KNTC1: variants seen among roughly 807,000 people sequenced by gnomAD.
KNTC1 encodes kinetochore-associated protein 1.
In KNTC1, 253 loss-of-function variants were observed where a neutral mutation model predicts 314.4. The ratio of observed to expected loss-of-function variants is 0.80; its 90% confidence interval spans 0.73 to 0.89. The LOEUF (loss-of-function observed/expected upper bound fraction) is 0.89, where lower values mean the gene tolerates loss of function less well. KNTC1 is among the 40% of genes least tolerant of loss of function. The pLI, the probability that KNTC1 is intolerant of heterozygous loss-of-function variation, is 0.00. For missense variants in KNTC1, 2,475 were observed against 2,572.9 expected, an observed-to-expected ratio of 0.96 and a Z score of 0.82; for synonymous variants, 901 against 901.4, an observed-to-expected ratio of 1.00 and a Z score of 0.01.
intron 51 of KNTC1, among the ~76,000 whole-genome samples, chr12:122,606,619 T>C (rs1872618964): frequency 6.6e-6 from 1 of 152,172 alleles, no homozygotes; most frequent in Non-Finnish European, 1.5e-5. Context: ...GCCTGTTCTT[T>C]TACTCAGATT....
At position 122,624,644 on chromosome 12, in the gene KNTC1, G is replaced by A. The variant is rs368918534; in HGVS notation, c.6562G>A (p.Gly2188Arg). ...GATAACTGAATATTCAAAGCACTGC[G>A]GGAAACCTGTGCCTCCAGACACTGC... ...VLITEYSKHC[G>R]KPVPPDTAPC... Residue 2188 changes from glycine to arginine, a missense_variant, in exon 63 of 64, where the codon GGG becomes AGG. Coordinates refer to ENST00000333479, the MANE Select transcript of KNTC1 (RefSeq NM_014708.6). 1.7e-5 allele frequency: 28 copies of A among 1,613,484 alleles called. No homozygotes were observed. The highest frequency in any genetic ancestry group is 2.2e-5 in the Non-Finnish European group (26 of 1,179,558).
rs911082833 is a variant in KNTC1, at chr12:122,605,229, A to G, written c.5387-77A>G. On this transcript the variant is annotated intron_variant, in intron 50 of 63. Transcript: ENST00000333479. ...CTTATATGTGTATGTATGTGCATAT[A>G]TACACATACACATATAAGTATTCAA... The G allele has an allele frequency of 1.2e-5, 13 of 1,077,436 alleles. No individual in the cohort carries two copies. In the African/African-American group the frequency reaches 1.6e-4, roughly 13 times the overall value. 66.7% of individuals were successfully genotyped at this position (1,077,436 alleles called of 1,614,324 possible). A position where few individuals can be genotyped will look rare whatever the true frequency, so the allele number is the denominator to read the frequency against.
intron 18 of KNTC1, among the ~76,000 whole-genome samples, chr12:122,559,121 G>A (rs1025918916): frequency 6.6e-6 from 1 of 152,046 alleles, no homozygotes; most frequent in Non-Finnish European, 1.5e-5. Flanking sequence ...GGCCGAGGTG[G>A]GCAGATCACG....
At chr12:122,624,379 C>T (rs1351893976) in intron 62 of KNTC1, among the ~76,000 whole-genome samples, 1 of 152,172 alleles carries the variant, frequency 6.6e-6, no homozygotes, top group African/African-American at 2.4e-5. Context: ...AGCGATCCTC[C>T]TACCTCAGTC....
intron 14 of KNTC1, 28 bp from the exon 15 acceptor site, chr12:122,551,430 G>A: frequency 6.4e-7 from 1 of 1,552,724 alleles, no homozygotes; most frequent in African/African-American, 1.4e-5. Context: ...TAAAAGACAA[G>A]CGCATTTATA....
intron 2 of KNTC1, among the ~76,000 whole-genome samples, chr12:122,533,889 G>A (rs549272564): frequency 2.7e-5 from 4 of 150,668 alleles, no homozygotes; most frequent in African/African-American, 1.0e-4. Context: ...AGCCCTTTAC[G>A]TGAATTCGTT....
At position 122,531,599 on chromosome 12, in the gene KNTC1, C is replaced by T. The variant is rs116287417; in HGVS notation, c.129+1407C>T. 6.5e-3 allele frequency among the ~76,000 whole-genome samples: 991 copies of T among 151,486 alleles called. 8 individuals are homozygous for T. The highest frequency in any genetic ancestry group is 0.023 in the African/African-American group (957 of 40,834). Reference sequence around the variant, plus strand: ...CATTAATTATGAGTAGTACAAATCTCATTGTATTTTTTGTCATTATTTATT... The same window carrying T: ...CATTAATTATGAGTAGTACAAATCTTATTGTATTTTTTGTCATTATTTATT... On this transcript the variant is annotated intron_variant, in intron 2 of 63. Transcript: ENST00000333479.
intron 32 of KNTC1, among the ~76,000 whole-genome samples, 178 bp from the exon 33 acceptor site, chr12:122,580,422 GAAT>G (rs1965327523): frequency 6.6e-6 from 1 of 152,214 alleles, no homozygotes; most frequent in African/African-American, 2.4e-5. Context: ...CCTCCTGAAA[GAAT>G]AATTAGATTT....
chr12:122,586,659 C>T, intron 37 of KNTC1, 42 bp from the exon 38 acceptor site: 1 of 981,276 alleles, frequency 1.0e-6, no homozygotes, highest in South Asian at 2.2e-5. Context: ...TTTAGTGTGG[C>T]CATCTATTTA....
At chr12:122,542,936 G>A (rs1962458140) in intron 6 of KNTC1, among the ~76,000 whole-genome samples, 1 of 152,004 alleles carries the variant, frequency 6.6e-6, no homozygotes, top group Non-Finnish European at 1.5e-5. Flanking sequence ...TTTTTGAGAT[G>A]GAGTCTTGCT....
rs571758641 is a variant in KNTC1, at chr12:122,552,930, A to G, written c.1272+1234A>G. On this transcript the variant is annotated intron_variant, in intron 16 of 63. Transcript: ENST00000333479. ...CACTTTGGGAGACAGAGACAGGCAG[A>G]TAACCTGAGGTCAGGAGTTCAAGAC... is the stretch of plus-strand genomic sequence containing the variant. Among the ~76,000 whole-genome samples the G allele has an allele frequency of 1.4e-3, 215 of 152,276 alleles. 2 individuals are homozygous for G. Among genetic ancestry groups the G allele is most frequent in the Non-Finnish European group, 1.7e-3 (116 of 68,016 alleles).
At chr12:122,622,384 T>C (rs1874534357) in intron 61 of KNTC1, 78 bp from the exon 62 acceptor site, 1 of 1,249,428 alleles carries the variant, frequency 8.0e-7, no homozygotes, top group African/African-American at 1.5e-5. Context: ...AAAGGCTTGA[T>C]ACCTGTCATT....
intron 19 of KNTC1, 79 bp downstream of exon 19, chr12:122,562,053 A>G: frequency 7.2e-7 from 1 of 1,396,890 alleles, no homozygotes; most frequent in Non-Finnish European, 9.8e-7. Context: ...ATAGACCCGT[A>G]TTTTATCAAG....
In KNTC1 at chr12:122,530,105, A is replaced by C. The variant is rs1444097548; in HGVS notation, c.42A>C (p.Gly14=). 5 of 1,613,814 alleles carry C rather than the reference A, an allele frequency of 3.1e-6. No individual in the cohort carries two copies. The highest frequency in any genetic ancestry group is 3.4e-6 in the Non-Finnish European group (4 of 1,179,756). The change falls in exon 2 of 64, where the codon GGA becomes GGC. Residue 14 remains glycine, a synonymous_variant. Coordinates refer to ENST00000333479, the MANE Select transcript of KNTC1 (RefSeq NM_014708.6). ...DIELLTNDDT[G]SGYLSVGSRK... ...AGCTGCTAACAAATGATGATACCGG[A>C]AGTGGGTACCTGAGTGTCGGTTCAA...
Position 122,573,261 on chromosome 12 carries a change from G to A in KNTC1, c.2259G>A (p.Glu753=), listed in dbSNP as rs1330984096. 6.2e-7 allele frequency: 1 copy of A among 1,613,730 alleles called. No homozygotes were observed. The highest frequency in any genetic ancestry group is 1.7e-5 in the Admixed American group (1 of 59,990). ...TGAGAGAACATGACTTGCAAGAGGAGGAACTTCTCTTGCTGTACATAGAGG... is the reference window on the plus strand; with the variant it reads ...TGAGAGAACATGACTTGCAAGAGGAAGAACTTCTCTTGCTGTACATAGAGG... ...VYMREHDLQE[E]ELLLLYIEDL... is the part of the protein sequence containing the mutation. Residue 753 remains glutamate, a synonymous_variant, in exon 26 of 64, where the codon GAG becomes GAA. Transcript: ENST00000333479.
chr12:122,586,274 G>A (rs942887804), intron 37 of KNTC1, among the ~76,000 whole-genome samples: 1 of 152,066 alleles, frequency 6.6e-6, no homozygotes, highest in Non-Finnish European at 1.5e-5. Flanking sequence ...TAGAGATGGG[G>A]TTTCACCATG....
In KNTC1 at chr12:122,590,601, CTGTAGGTATTTAAT is replaced by C. The variant is rs1870050977; in HGVS notation, c.4000-2_4011del. 6.2e-7 allele frequency: 1 copy of C among 1,606,800 alleles called. No homozygotes were observed. On this transcript the variant is annotated splice_acceptor_variant and splice_polypyrimidine_tract_variant and coding_sequence_variant and intron_variant, in exon 41 of 64. Transcript: ENST00000333479. ...ATTTGCTTCTTTTGCTGGTTTCTTC[CTGTAGGTATTTAAT>C]TGTCGCTTGGTAGATCTTGACCTGG...
chr12:122,613,834 A>C, intron 55 of KNTC1, 73 bp downstream of exon 55: 1 of 1,439,550 alleles, frequency 6.9e-7, no homozygotes, highest in Non-Finnish European at 9.2e-7. Context: ...AACCAGGAAC[A>C]GTCTTTTTGT....
chr12:122,608,577 T>G (rs1872771997), intron 51 of KNTC1, among the ~76,000 whole-genome samples: 1 of 152,190 alleles, frequency 6.6e-6, no homozygotes, highest in Admixed American at 6.5e-5. Context: ...TGGTTGACTT[T>G]TAGAAACCAG....
Sources: gnomAD v4.1 joint callset for allele counts (sites outside exome capture counted in the v4.1 genomes callset) on GRCh38, gnomAD v4.1.1 for gene constraint, MANE v1.5 for transcripts, NCBI Gene and HGNC (gene_info 2026-07-23, HGNC 2026-07-21) for gene names.